The following KANSL3 variants were observed in gnomAD, a reference collection of about 807,000 sequenced individuals.
The protein encoded by KANSL3 is KAT8 regulatory NSL complex subunit 3, also known as NSL complex protein NSL3.
In KANSL3, 16 loss-of-function variants were observed where a neutral mutation model predicts 89.2. The ratio of observed to expected loss-of-function variants is 0.18; its 90% CI spans 0.12 to 0.27. The LOEUF (loss-of-function observed/expected upper bound fraction) is 0.27, where lower values mean the gene tolerates loss of function less well. KANSL3 is among the 10% of genes least tolerant of loss of function. The pLI, the probability that KANSL3 is intolerant of heterozygous loss-of-function variation, is 1.00. For synonymous variants in KANSL3, 385 were observed against 419.7 expected, an observed-to-expected ratio of 0.92 and a Z score of 1.01; for missense variants, 879 against 1,110.6, an observed-to-expected ratio of 0.79 and a Z score of 2.96.
the KANSL3 span, among the ~76,000 whole-genome samples, chr2:96,583,573 AGGTC>A: frequency 6.6e-6 from 1 of 152,192 alleles, no homozygotes. Context: ...AGATTCATCC[AGGTC>A]ATTGCATGTC....
chr2:96,607,323 G>A lies in KANSL3; in HGVS notation c.1741+1185C>T, dbSNP rs973393900. Among the ~76,000 whole-genome samples, 16 of 152,204 alleles carry A rather than the reference G, an allele frequency of 1.1e-4. 1 individual carries two copies. The highest frequency in any genetic ancestry group is 3.4e-3 in the Middle Eastern group (1 of 294). Reference sequence around the variant, plus strand: ...CACAGCAAGGACTCCATATATGTTCGCTATTAGTATTCCCCGTTTGCCCAT... The same window carrying A: ...CACAGCAAGGACTCCATATATGTTCACTATTAGTATTCCCCGTTTGCCCAT... On this transcript the variant is annotated intron_variant, in intron 14 of 20. Coordinates refer to ENST00000431828, the MANE Select transcript of KANSL3 (RefSeq NM_001115016.3).
chr2:96,614,065 A>G (rs140464486), intron 5 of KANSL3, among the ~76,000 whole-genome samples: 59 of 152,346 alleles, frequency 3.9e-4, no homozygotes, highest in African/African-American at 1.4e-3. Context: ...CTAATTGGAT[A>G]TTAAAGATTA....
At chr2:96,591,518 T>C (rs904079145), downstream of KANSL3, among the ~76,000 whole-genome samples, 2 of 152,212 alleles carry the variant, frequency 1.3e-5, no homozygotes, top group African/African-American at 4.8e-5. Flanking sequence ...CTGGGGAAAC[T>C]TGGTGAAGGG....
intron 20 of KANSL3, among the ~76,000 whole-genome samples, chr2:96,595,996 C>T (rs1352477914): frequency 6.6e-6 from 1 of 152,136 alleles, no homozygotes; most frequent in African/African-American, 2.4e-5. Context: ...CAAAGGTCAC[C>T]TCATATTATT....
chr2:96,612,651 G>T, intron 7 of KANSL3, 88 bp from the exon 8 acceptor site: 1 of 1,243,324 alleles, frequency 8.0e-7, no homozygotes, highest in South Asian at 1.3e-5. Flanking sequence ...CAAAACCTTG[G>T]AATTCCACAT....
chr2:96,584,566 C>T, the KANSL3 span, among the ~76,000 whole-genome samples: 3 of 152,186 alleles, frequency 2.0e-5, no homozygotes, highest in African/African-American at 7.2e-5. Context: ...ATTCATCCCA[C>T]CTACACTCCC....
chr2:96,633,803 T>C (rs1444725700), intron 2 of KANSL3, among the ~76,000 whole-genome samples: 1 of 151,918 alleles, frequency 6.6e-6, no homozygotes, highest in African/African-American at 2.4e-5. Flanking sequence ...AGGCGGAGGT[T>C]ACCATGAGCC....
the KANSL3 span, among the ~76,000 whole-genome samples, chr2:96,581,153 C>T: frequency 6.6e-6 from 1 of 152,180 alleles, no homozygotes; most frequent in African/African-American, 2.4e-5. Flanking sequence ...GGGCAGGGCA[C>T]GGTGGCTCAC....
intron 3 of KANSL3, among the ~76,000 whole-genome samples, chr2:96,629,407 C>T (rs985911818): frequency 6.6e-5 from 10 of 152,168 alleles, no homozygotes; most frequent in African/African-American, 2.4e-4. Context: ...ACCACAACCT[C>T]CGCCTCCCAG....
chr2:96,614,556 A>C, intron 5 of KANSL3, among the ~76,000 whole-genome samples: 1 of 152,202 alleles, frequency 6.6e-6, no homozygotes, highest in East Asian at 1.9e-4. Flanking sequence ...AGATCACTTG[A>C]GGTCAGGAGT....
intron 4 of KANSL3, 58 bp from the exon 5 acceptor site, chr2:96,619,602 G>A (rs1385361992): frequency 1.2e-6 from 2 of 1,603,750 alleles, no homozygotes; most frequent in African/African-American, 2.7e-5. Context: ...ACAAGCAGGG[G>A]GACAAGTCAG....
intron 6 of KANSL3, 97 bp downstream of exon 6, chr2:96,613,391 A>G: frequency 1.1e-6 from 1 of 944,994 alleles, no homozygotes; most frequent in African/African-American, 1.7e-5. Flanking sequence ...AATAATAATA[A>G]ATAGTTAAAG....
chr2:96,605,581 GC>G, intron 14 of KANSL3, 70 bp from the exon 15 acceptor site: 1 of 1,247,102 alleles, frequency 8.0e-7, no homozygotes, highest in Non-Finnish European at 1.2e-6. Context: ...GTCAATACCA[GC>G]ACCAACACAG....
At chr2:96,634,439 C>T (rs1223140360) in intron 2 of KANSL3, among the ~76,000 whole-genome samples, 2 of 152,078 alleles carry the variant, frequency 1.3e-5, no homozygotes, top group Non-Finnish European at 2.9e-5. Flanking sequence ...TTGCTTGAAC[C>T]CAGGAGGCAG....
intron 12 of KANSL3, 55 bp from the exon 13 acceptor site, chr2:96,609,119 A>T: frequency 7.0e-7 from 1 of 1,436,386 alleles, no homozygotes; most frequent in African/African-American, 1.4e-5. Flanking sequence ...GAGAATGGGA[A>T]CCTCTCATAT....
At chr2:96,581,743 T>C in the KANSL3 span, among the ~76,000 whole-genome samples, 2 of 152,364 alleles carry the variant, frequency 1.3e-5, no homozygotes, top group South Asian at 2.1e-4. Flanking sequence ...TGAGTACTTC[T>C]AAATGTTTCT....
chr2:96,610,656 T>C (rs2068768456), intron 11 of KANSL3, 70 bp downstream of exon 11: 7 of 1,562,644 alleles, frequency 4.5e-6, no homozygotes, highest in Admixed American at 1.7e-5. Context: ...TGTAGTTACA[T>C]TGCCAGCTTC....
chr2:96,613,726 T>C, intron 5 of KANSL3, 107 bp from the exon 6 acceptor site: 2 of 1,045,990 alleles, frequency 1.9e-6, no homozygotes, highest in East Asian at 5.5e-5. Flanking sequence ...TAGACAGACT[T>C]CAACTAAGCC....
intron 3 of KANSL3, among the ~76,000 whole-genome samples, chr2:96,623,542 T>C (rs1172499074): frequency 1.3e-5 from 2 of 152,110 alleles, no homozygotes; most frequent in Non-Finnish European, 2.9e-5. Flanking sequence ...ATAGAGCAAA[T>C]ACCCTCTAGA....
Sources: gnomAD v4.1 joint callset for allele counts (sites outside exome capture counted in the v4.1 genomes callset) on GRCh38, gnomAD v4.1.1 for gene constraint, MANE v1.5 for transcripts, NCBI Gene and HGNC (gene_info 2026-07-23, HGNC 2026-07-21) for gene names.